Variants in PCNT observed in about 807,000 individuals in gnomAD.
PCNT encodes the protein pericentrin, also known as kendrin.
In PCNT, 319 loss-of-function variants were observed where a neutral mutation model predicts 380.4. The observed-to-expected ratio is 0.84, with a 90% CI of 0.77 to 0.92. PCNT has a LOEUF of 0.92. Ranked by LOEUF, PCNT falls within the 40% of genes least tolerant of loss-of-function variation. PCNT has a pLI of 0.00. For missense variants in PCNT, 4,400 were observed against 4,255.3 expected, an observed-to-expected ratio of 1.03 and a Z score of -0.95; for synonymous variants, 1,845 against 1,735.2, an observed-to-expected ratio of 1.06 and a Z score of -1.57.
chr21:46,366,839 C>A lies in PCNT; in HGVS notation c.2865C>A (p.Ala955=). The A allele has an allele frequency of 6.2e-7, 1 of 1,614,008 alleles. No homozygotes were observed. Among genetic ancestry groups the A allele is most frequent in the South Asian group, 1.1e-5 (1 of 91,082 alleles). Residue 955 remains alanine, a synonymous_variant, in exon 15 of 47, where the codon GCC becomes GCA. Transcript: ENST00000359568. ...CCGAACTGCAGACAAAACACGCTGC[C>A]GACCTCGGCGCTCTGGAGACCAGAC... ...RVAELQTKHA[A]DLGALETRHL...
At chr21:46,414,789 C>T (rs1191662666) in intron 29 of PCNT, among the ~76,000 whole-genome samples, 1 of 149,216 alleles carries the variant, frequency 6.7e-6, no homozygotes, top group Non-Finnish European at 1.5e-5. Context: ...CACAGCCGCC[C>T]ACTCTCCTCC....
chr21:46,327,531 G>A (rs1158134720), intron 2 of PCNT, among the ~76,000 whole-genome samples: 3 of 152,106 alleles, frequency 2.0e-5, no homozygotes, highest in Admixed American at 6.6e-5. Context: ...CTCTTAAAGT[G>A]TTGGGATTAT....
intron 25 of PCNT, among the ~76,000 whole-genome samples, chr21:46,400,315 G>A (rs1010380162): frequency 2.0e-5 from 3 of 152,124 alleles, no homozygotes; most frequent in Non-Finnish European, 2.9e-5. Flanking sequence ...GGCTGGAGGG[G>A]GCAGGGCTGC....
intron 16 of PCNT, among the ~76,000 whole-genome samples, chr21:46,385,181 CCT>C (rs2085787744): frequency 6.6e-6 from 1 of 152,142 alleles, no homozygotes; most frequent in South Asian, 2.1e-4. Flanking sequence ...ATAGGGAGAC[CCT>C]GTCTCTATAA....
At chr21:46,441,179 C>T in intron 43 of PCNT, 95 bp downstream of exon 43, 1 of 789,194 alleles carries the variant, frequency 1.3e-6, no homozygotes. Context: ...TTCCTTGAAA[C>T]TCCATAATAT....
intron 3 of PCNT, among the ~76,000 whole-genome samples, chr21:46,339,522 G>A (rs547257706): frequency 2.0e-5 from 3 of 152,326 alleles, no homozygotes; most frequent in Admixed American, 6.5e-5. Context: ...GTCTGAGTCC[G>A]AAAGCTGAAG....
chr21:46,353,110 A>T lies in PCNT; in HGVS notation c.1463A>T (p.His488Leu), dbSNP rs201966670. Residue 488 changes from histidine to leucine, a missense_variant, in exon 10 of 47, where the codon CAT becomes CTT. By Grantham distance (99) the His-to-Leu change is moderately conservative. Coordinates refer to ENST00000359568, the MANE Select transcript of PCNT (RefSeq NM_006031.6). Reference sequence around the variant, plus strand: ...TGACTCCGTTATGTTGCAGAGCTACATGAGCAACTCCTGGCGCGCACCTCT... The same window carrying T: ...TGACTCCGTTATGTTGCAGAGCTACTTGAGCAACTCCTGGCGCGCACCTCT... ...RTSRQELSEL[H>L]EQLLARTSRV... 1.2e-5 allele frequency: 20 copies of T among 1,613,632 alleles called. No homozygotes were observed. The highest frequency in any genetic ancestry group is 1.7e-5 in the Admixed American group (1 of 60,012).
Position 46,346,768 on chromosome 21 carries a change from C to T in PCNT, c.746C>T (p.Ala249Val), listed in dbSNP as rs1208617321. The part of the protein sequence containing the change: ...SQAVHGLELE[A>V]LRLSLSNMHT... ...GCCGTGCATGGCCTTGAGCTGGAGGCGCTGCGCCTGAGTCTGAGCAACATG... is the reference window on the plus strand; with the variant it reads ...GCCGTGCATGGCCTTGAGCTGGAGGTGCTGCGCCTGAGTCTGAGCAACATG... Residue 249 changes from alanine to valine, a missense_variant, in exon 5 of 47, where the codon GCG (alanine) becomes GTG (valine). By Grantham distance (64) the Ala-to-Val change is moderately conservative. Transcript: ENST00000359568. 8 of 1,596,796 alleles carry T rather than the reference C, an allele frequency of 5.0e-6. No individual in the cohort carries two copies. Among genetic ancestry groups the T allele is most frequent in the East Asian group, 2.3e-5 (1 of 44,254 alleles).
At position 46,430,132 on chromosome 21, in the gene PCNT, G is replaced by A. The variant is rs780220706; in HGVS notation, c.7813G>A (p.Val2605Ile). 2.0e-5 allele frequency: 33 copies of A among 1,614,128 alleles called. No individual in the cohort carries two copies. In the South Asian group the frequency reaches 2.4e-4, roughly 12 times the overall value. Residue 2605 changes from valine (V) to isoleucine (I), a missense_variant, in exon 36 of 47, where the codon GTA becomes ATA. Coordinates refer to ENST00000359568, the MANE Select transcript of PCNT (RefSeq NM_006031.6). ...GAAGCTCCTGGCGGCGGAGCAGACT[G>A]TAGTGCGAGATTTGAAGTCCGACCT... ...VQKLLAAEQTVVRDLKSDLCE... is the reference protein window; with the variant it reads ...VQKLLAAEQTIVRDLKSDLCE...
intron 27 of PCNT, among the ~76,000 whole-genome samples, chr21:46,407,631 C>G (rs983812045): frequency 3.3e-5 from 5 of 152,230 alleles, no homozygotes; most frequent in African/African-American, 9.7e-5. Context: ...GCGTGAGCCA[C>G]CGCGCCCAGT....
intron 16 of PCNT, 93 bp from the exon 17 acceptor site, chr21:46,385,739 T>C (rs2085806450): frequency 2.2e-6 from 3 of 1,386,190 alleles, no homozygotes; most frequent in Non-Finnish European, 3.1e-6. Flanking sequence ...AGTCAGAGAC[T>C]CTCAAATACT....
Position 46,334,631 on chromosome 21 carries a change from C to G in PCNT, c.502C>G (p.Gln168Glu), listed in dbSNP as rs985649334. ...CACAGTCAGTGACCACCCACCAGAA[C>G]AGCGTGGGATGTTCACAATCAGTGA... ...MFTVSDHPPE[Q>E]RGMFTISDHQ... is the part of the protein sequence containing the mutation. Residue 168 changes from glutamine to glutamate, a missense_variant, in exon 3 of 47, where the codon CAG becomes GAG. Transcript: ENST00000359568. 6 of 1,605,178 alleles carry G rather than the reference C, an allele frequency of 3.7e-6. No homozygotes were observed. The highest frequency in any genetic ancestry group is 5.1e-6 in the Non-Finnish European group (6 of 1,174,770).
chr21:46,358,832 G>A (rs565976078), intron 13 of PCNT, among the ~76,000 whole-genome samples: 13 of 150,824 alleles, frequency 8.6e-5, no homozygotes, highest in Non-Finnish European at 1.6e-4. Flanking sequence ...ATGGAGTCTC[G>A]CTCTGTCACC....
rs1214290914 is a variant in PCNT, at chr21:46,435,965, TGA to T, written c.8818_8819del (p.Asp2940ProfsTer62). On this transcript the variant is annotated frameshift_variant, in exon 39 of 47. Coordinates refer to ENST00000359568, the MANE Select transcript of PCNT (RefSeq NM_006031.6). LOFTEE classifies it high-confidence loss of function. Reference sequence around the variant, plus strand: ...AAGATCAAGCAGCTTCAGCAGACAGTGAGAGACCTGGAGTCGAAGGACGAGGT... The same window carrying T: ...AAGATCAAGCAGCTTCAGCAGACAGTGAGACCTGGAGTCGAAGGACGAGGT... 1 of 1,614,036 alleles carries T rather than the reference TGA, an allele frequency of 6.2e-7. No homozygotes were observed. The highest frequency in any genetic ancestry group is 1.3e-5 in the African/African-American group (1 of 74,940).
At chr21:46,392,297 G>A (rs2086060608) in intron 21 of PCNT, among the ~76,000 whole-genome samples, 1 of 152,058 alleles carries the variant, frequency 6.6e-6, no homozygotes, top group South Asian at 2.1e-4. Context: ...TCAGTTCACT[G>A]CAACCTCCGC....
chr21:46,416,698 G>T lies in PCNT; in HGVS notation c.6780G>T (p.Leu2260=). Residue 2260 remains leucine, a synonymous_variant, in exon 30 of 47, where the codon CTG becomes CTT. Coordinates refer to ENST00000359568, the MANE Select transcript of PCNT (RefSeq NM_006031.6). ...ALSLCSADTS[L]GDRADTSLPQ... ...GCCTGTGCAGTGCCGACACATCCCT[G>T]GGGGACAGGGCGGACACCTCGCTGC... 2 of 1,568,448 alleles carry T rather than the reference G, an allele frequency of 1.3e-6. No individual in the cohort carries two copies. The highest frequency in any genetic ancestry group is 8.6e-7 in the Non-Finnish European group (1 of 1,156,696).
At chr21:46,437,801 G>A (rs979610071) in intron 40 of PCNT, among the ~76,000 whole-genome samples, 14 of 152,214 alleles carry the variant, frequency 9.2e-5, no homozygotes, top group African/African-American at 2.2e-4. Context: ...ACCTTTCAGC[G>A]TGCCCACCCT....
Position 46,431,953 on chromosome 21 carries a change from G to A in PCNT, c.8489G>A (p.Cys2830Tyr). ...CTTGAGGCTGAGGCTCAGAAGCACT[G>A]TGAGGCGCTCAGGAGAGAGAAGGAG... ...QQLEAEAQKH[C>Y]EALRREKEVS... Residue 2830 changes from cysteine (C) to tyrosine (Y), a missense_variant, in exon 38 of 47, where the codon TGT becomes TAT. Cys to Tyr is a radical substitution (Grantham distance 194). Transcript: ENST00000359568. 2.5e-6 allele frequency: 4 copies of A among 1,614,082 alleles called. No homozygotes were observed.
chr21:46,325,224 C>G, intron 1 of PCNT: 4 of 982,988 alleles, frequency 4.1e-6, no homozygotes, highest in Non-Finnish European at 4.8e-6. Flanking sequence ...CGCGCCGCTC[C>G]CCCCCAGGAT....
Sources: allele counts gnomAD v4.1 joint callset (sites outside exome capture counted in the v4.1 genomes callset), GRCh38; gene constraint gnomAD v4.1.1; transcripts MANE v1.5; gene names NCBI Gene and HGNC (gene_info 2026-07-23, HGNC 2026-07-21).